Variants in TENM2 observed in about 807,000 individuals in gnomAD.
The protein encoded by TENM2 is teneurin-2.
TENM2 carries 52 observed loss-of-function variants against 245.2 expected under a neutral mutation model. The ratio of observed to expected loss-of-function variants is 0.21; its 90% CI spans 0.17 to 0.27. The LOEUF is 0.27. Ranked by LOEUF, TENM2 falls within the 10% of genes least tolerant of loss-of-function variation. TENM2 has a pLI of 1.00. For synonymous variants in TENM2, 1,363 were observed against 1,438.9 expected, an observed-to-expected ratio of 0.95 and a Z score of 1.19; for missense variants, 3,046 against 3,666.8, an observed-to-expected ratio of 0.83 and a Z score of 4.37.
At chr5:168,189,388 T>C (rs1481899272) in intron 13 of TENM2, among the ~76,000 whole-genome samples, 1 of 152,214 alleles carries the variant, frequency 6.6e-6, no homozygotes, top group Non-Finnish European at 1.5e-5. Flanking sequence ...AAAGACAGTC[T>C]CCATGGTTCT....
intron 2 of TENM2, among the ~76,000 whole-genome samples, chr5:167,690,920 AGTAT>A (rs555680333): frequency 0.049 from 6,638 of 136,482 alleles, 350 homozygotes; most frequent in African/African-American, 0.13. Context: ...CGTATATGCG[AGTAT>A]GTGTGTGTGT....
rs1291166714 is a variant in TENM2 at position 167,640,884 on chromosome 5, T to TCC, written c.503-235102_503-235101insCC. On this transcript the variant is annotated intron_variant, in intron 2 of 28. Transcript: ENST00000518659. The stretch of plus-strand genomic sequence containing the variant: ...CCATATATATATATATATATATATA[T>TCC]ATATATATATATATATATATATCTT... 5.5e-4 allele frequency among the ~76,000 whole-genome samples: 41 copies of TCC among 74,438 alleles called. 2 individuals are homozygous for TCC. Among genetic ancestry groups the TCC allele is most frequent in the African/African-American group, 2.3e-3 (36 of 15,898 alleles). 48.8% of individuals were successfully genotyped at this position (74,438 alleles called of 152,430 possible). A position where few individuals can be genotyped will look rare whatever the true frequency, so the allele number is the denominator to read the frequency against.
chr5:167,980,266 C>T (rs1782735089), intron 4 of TENM2, among the ~76,000 whole-genome samples: 1 of 152,178 alleles, frequency 6.6e-6, no homozygotes, highest in South Asian at 2.1e-4. Flanking sequence ...ATTCCACCCC[C>T]ATCTCTGGAT....
chr5:167,492,704 T>C (rs1768511592), intron 2 of TENM2, among the ~76,000 whole-genome samples: 1 of 152,104 alleles, frequency 6.6e-6, no homozygotes, highest in Non-Finnish European at 1.5e-5. Context: ...TCAAAAAACC[T>C]GGGGACACAA....
chr5:168,195,661 C>A (rs887648082), intron 15 of TENM2, among the ~76,000 whole-genome samples: 1 of 148,260 alleles, frequency 6.7e-6, no homozygotes, highest in Non-Finnish European at 1.5e-5. Context: ...CTCTTAGAAA[C>A]GAACTCCTGT....
intron 2 of TENM2, among the ~76,000 whole-genome samples, chr5:167,535,334 A>G (rs1771780542): frequency 1.3e-5 from 2 of 151,920 alleles, no homozygotes; most frequent in Admixed American, 1.3e-4. Flanking sequence ...CTTAGAGACA[A>G]GGAGAAGTCT....
chr5:167,156,843 G>C, the TENM2 span, among the ~76,000 whole-genome samples: 5 of 152,052 alleles, frequency 3.3e-5, no homozygotes, highest in East Asian at 9.6e-4. Flanking sequence ...GGCTCGTCTT[G>C]GCACCGCTTG....
intron 2 of TENM2, among the ~76,000 whole-genome samples, chr5:167,747,318 G>T (rs1761660613): frequency 6.6e-6 from 1 of 151,972 alleles, no homozygotes; most frequent in Admixed American, 6.6e-5. Context: ...CTTCCTTCTG[G>T]GTCTTCTTAA....
At chr5:167,712,445 C>T (rs1464494750) in intron 2 of TENM2, among the ~76,000 whole-genome samples, 1 of 152,122 alleles carries the variant, frequency 6.6e-6, no homozygotes, top group Non-Finnish European at 1.5e-5. Context: ...AAGTTTTCCC[C>T]CTAGAATTAT....
intron 7 of TENM2, chr5:168,088,095 G>C (rs769764043): frequency 6.6e-6 from 1 of 152,156 alleles, no homozygotes; most frequent in Non-Finnish European, 1.5e-5. Flanking sequence ...CTGGTCAGGC[G>C]GTTCGGCAAG....
chr5:167,455,974 C>T (rs1016348172), intron 2 of TENM2, among the ~76,000 whole-genome samples: 2 of 152,092 alleles, frequency 1.3e-5, no homozygotes, highest in African/African-American at 4.8e-5. Flanking sequence ...AAAAGAGCAA[C>T]AAAATCATGA....
chr5:167,498,112 G>A lies in TENM2; in HGVS notation c.502+122639G>A, dbSNP rs373736375. 2.6e-5 allele frequency among the ~76,000 whole-genome samples: 4 copies of A among 152,062 alleles called. No individual in the cohort carries two copies. In the East Asian group the frequency reaches 7.7e-4, roughly 29 times the overall value. Reference sequence around the variant, plus strand: ...ATCTACTCTTCTGCAGGGCAGGGAGGGGGTGAGTTTGTTGTCCTAATGAGC... The same window carrying A: ...ATCTACTCTTCTGCAGGGCAGGGAGAGGGTGAGTTTGTTGTCCTAATGAGC... On this transcript the variant is annotated intron_variant, in intron 2 of 28. Transcript: ENST00000518659.
chr5:167,509,412 A>AT (rs1395698019), intron 2 of TENM2, among the ~76,000 whole-genome samples: 1 of 152,222 alleles, frequency 6.6e-6, no homozygotes, highest in Non-Finnish European at 1.5e-5. Flanking sequence ...TGCCAAAGTT[A>AT]TTGGATTAAC....
At chr5:167,836,459 A>T (rs889437116) in intron 2 of TENM2, among the ~76,000 whole-genome samples, 1 of 152,218 alleles carries the variant, frequency 6.6e-6, no homozygotes, top group Non-Finnish European at 1.5e-5. Flanking sequence ...AAATTGTGAC[A>T]TCTTTTTAAG....
chr5:167,459,964 C>A (rs147121633), intron 2 of TENM2, among the ~76,000 whole-genome samples: 1 of 151,612 alleles, frequency 6.6e-6, no homozygotes, highest in South Asian at 2.1e-4. Flanking sequence ...CACACTCAAA[C>A]GCATATATAT....
At chr5:167,212,538 C>A in the TENM2 span, among the ~76,000 whole-genome samples, 1 of 152,122 alleles carries the variant, frequency 6.6e-6, no homozygotes, top group South Asian at 2.1e-4. Flanking sequence ...CCCTGTAGAG[C>A]TTTTTAAGAC....
intron 2 of TENM2, among the ~76,000 whole-genome samples, chr5:167,448,957 A>G (rs1765390752): frequency 6.6e-6 from 1 of 152,032 alleles, no homozygotes; most frequent in South Asian, 2.1e-4. Context: ...TTACTTTCAT[A>G]TGTGTCCTTA....
chr5:167,694,515 T>C (rs1172019823), intron 2 of TENM2, among the ~76,000 whole-genome samples: 3 of 152,248 alleles, frequency 2.0e-5, no homozygotes, highest in African/African-American at 7.2e-5. Flanking sequence ...TTCCTGCTTT[T>C]ACATAGTAAT....
chr5:168,200,637 G>A (rs72835052), intron 17 of TENM2, among the ~76,000 whole-genome samples: 7,217 of 152,276 alleles, frequency 0.047, 276 homozygotes, highest in Non-Finnish European at 0.07. Context: ...CGGAGCACTT[G>A]TAAATGGCAC....
Sources: allele counts gnomAD v4.1 joint callset (sites outside exome capture counted in the v4.1 genomes callset), GRCh38; gene constraint gnomAD v4.1.1; transcripts MANE v1.5; gene names NCBI Gene and HGNC (gene_info 2026-07-23, HGNC 2026-07-21).